ARHGAP35: variants seen among roughly 807,000 people sequenced by gnomAD.
ARHGAP35 encodes the protein Rho GTPase activating protein 35.
A neutral mutation model predicts 111.1 loss-of-function variants in ARHGAP35; 15 were observed. That is an observed-to-expected ratio of 0.13 (90% confidence interval 0.09 to 0.21). The LOEUF (loss-of-function observed/expected upper bound fraction) is 0.21, where lower values mean the gene tolerates loss of function less well. ARHGAP35 is among the 10% of genes least tolerant of loss of function. The probability of loss-of-function intolerance (pLI) is 1.00; values close to 1 mark genes in which losing one functional copy is unlikely to be tolerated. For synonymous variants in ARHGAP35, 643 were observed against 710.3 expected, an observed-to-expected ratio of 0.91 and a Z score of 1.51; for missense variants, 1,262 against 1,873.0, an observed-to-expected ratio of 0.67 and a Z score of 6.02.
chr19:46,937,897 GAA>G (rs1271420410), intron 3 of ARHGAP35, among the ~76,000 whole-genome samples: 1 of 152,212 alleles, frequency 6.6e-6, no homozygotes, highest in Admixed American at 6.5e-5. Context: ...TCTGAGGTAA[GAA>G]AATGATTAGG....
At chr19:46,932,383 G>A (rs1042283173) in intron 2 of ARHGAP35, among the ~76,000 whole-genome samples, 1 of 152,216 alleles carries the variant, frequency 6.6e-6, no homozygotes, top group Admixed American at 6.5e-5. Context: ...CCTGCTAATA[G>A]GTAAGTGCCT....
At chr19:46,971,776 G>A (rs2056551241) in intron 3 of ARHGAP35, among the ~76,000 whole-genome samples, 4 of 152,010 alleles carry the variant, frequency 2.6e-5, no homozygotes, top group Admixed American at 2.6e-4. Flanking sequence ...GGGATTACAG[G>A]TGTGAGCCAC....
intron 2 of ARHGAP35, among the ~76,000 whole-genome samples, chr19:46,931,820 G>A (rs572537982): frequency 9.8e-5 from 15 of 152,292 alleles, no homozygotes; most frequent in Admixed American, 3.3e-4. Flanking sequence ...ACTAAGTGCT[G>A]GCTGTGAATC....
At chr19:46,870,845 T>TA (rs201735202) in intron 1 of ARHGAP35, among the ~76,000 whole-genome samples, 396 of 151,250 alleles carry the variant, frequency 2.6e-3, no homozygotes, top group Middle Eastern at 0.021. Context: ...AGTTTTTTCT[T>TA]AAAAAAAAAT....
At chr19:46,934,598 C>A (rs1027504321) in intron 2 of ARHGAP35, among the ~76,000 whole-genome samples, 1 of 152,226 alleles carries the variant, frequency 6.6e-6, no homozygotes, top group East Asian at 1.9e-4. Flanking sequence ...AACTCCTGAT[C>A]TCAGGTGATC....
chr19:46,897,919 G>A (rs1024517942), intron 1 of ARHGAP35, among the ~76,000 whole-genome samples: 7 of 152,086 alleles, frequency 4.6e-5, no homozygotes, highest in Non-Finnish European at 8.8e-5. Flanking sequence ...GAATTAGAGT[G>A]ACCATTTACA....
rs2055844216 is a variant in ARHGAP35 at position 46,864,277 on chromosome 19, GGGGTAGA to G, written c.-189+3071_-189+3077del. On this transcript the variant is annotated intron_variant, in intron 1 of 6. Transcript: ENST00000672722. ...TGTGGGGGGGTATTTAGTTCATTCA[GGGGTAGA>G]GGTGGTTTTTACAGAAAATCTGTCC... Among the ~76,000 whole-genome samples, 7 of 152,348 alleles carry G rather than the reference GGGGTAGA, an allele frequency of 4.6e-5. No individual in the cohort carries two copies. In the South Asian group the frequency reaches 1.5e-3, roughly 32 times the overall value.
chr19:46,985,975 A>C (rs1206998622), intron 3 of ARHGAP35, among the ~76,000 whole-genome samples: 1 of 152,028 alleles, frequency 6.6e-6, no homozygotes, highest in Non-Finnish European at 1.5e-5. Flanking sequence ...ATAACAACCA[A>C]CACGTGGCTC....
At chr19:46,911,342 G>A (rs1176565715) in intron 1 of ARHGAP35, among the ~76,000 whole-genome samples, 1 of 152,048 alleles carries the variant, frequency 6.6e-6, no homozygotes, top group Non-Finnish European at 1.5e-5. Context: ...TTTTTTAAGT[G>A]TAAATATTGT....
intron 3 of ARHGAP35, among the ~76,000 whole-genome samples, chr19:46,969,296 A>G (rs568199923): frequency 2.0e-5 from 3 of 152,340 alleles, no homozygotes; most frequent in South Asian, 4.1e-4. Context: ...TTATATCTCA[A>G]TAAAACGGTT....
intron 1 of ARHGAP35, among the ~76,000 whole-genome samples, chr19:46,882,015 C>T (rs927874291): frequency 2.0e-5 from 3 of 152,162 alleles, no homozygotes; most frequent in Admixed American, 2.0e-4. Context: ...GTAGCTTCCT[C>T]GCCTCTCTCA....
chr19:46,938,680 A>T (rs1599834022), intron 3 of ARHGAP35, among the ~76,000 whole-genome samples: 3 of 129,614 alleles, frequency 2.3e-5, no homozygotes, highest in African/African-American at 6.0e-5. Context: ...TTTTTTTGAG[A>T]TGGAGTCTCT....
intron 3 of ARHGAP35, among the ~76,000 whole-genome samples, chr19:46,941,578 A>G (rs986596968): frequency 1.3e-5 from 2 of 149,100 alleles, no homozygotes; most frequent in Non-Finnish European, 3.0e-5. Flanking sequence ...CTTAAAAAAC[A>G]AAAGAGAGAG....
At chr19:46,956,928 AATT>A (rs373761104) in intron 3 of ARHGAP35, among the ~76,000 whole-genome samples, 1 of 150,632 alleles carries the variant, frequency 6.6e-6, no homozygotes, top group African/African-American at 2.4e-5. Context: ...ACTAATTACA[AATT>A]ATCATTAGCT....
chr19:46,978,910 G>GGT (rs1344103998), intron 3 of ARHGAP35, among the ~76,000 whole-genome samples: 2 of 129,342 alleles, frequency 1.5e-5, no homozygotes, highest in African/African-American at 2.9e-5. Context: ...TGTGTGGTGG[G>GGT]GTGTGTGTGT....
chr19:46,929,569 G>A (rs566142664), intron 2 of ARHGAP35, among the ~76,000 whole-genome samples: 89 of 140,870 alleles, frequency 6.3e-4, no homozygotes, highest in Non-Finnish European at 1.1e-3. Flanking sequence ...ACTACATTCC[G>A]TATATGGTGT....
rs957361254 is a variant in ARHGAP35, at chr19:46,999,886, G to A, written c.4143-445G>A. ...GTGCTGCAGGAGACAGCCAGCCTCCGGCATGGAGCACAGCCGCAGGCGGGA... is the reference window on the plus strand; with the variant it reads ...GTGCTGCAGGAGACAGCCAGCCTCCAGCATGGAGCACAGCCGCAGGCGGGA... On this transcript the variant is annotated intron_variant, in intron 6 of 6. Transcript: ENST00000672722. This position sits in a 1 kb window ranked among gnomAD's most constrained non-coding sequence, Gnocchi z 5.4. The A allele has an allele frequency of 1.1e-4, 24 of 215,316 alleles. No individual in the cohort carries two copies. The highest frequency in any genetic ancestry group is 4.5e-4 in the East Asian group (4 of 8,920). 13.3% of individuals were successfully genotyped at this position (215,316 alleles called of 1,614,324 possible).
At chr19:46,954,864 C>A (rs937743529) in intron 3 of ARHGAP35, among the ~76,000 whole-genome samples, 1 of 152,246 alleles carries the variant, frequency 6.6e-6, no homozygotes, top group Non-Finnish European at 1.5e-5. Flanking sequence ...TTAAAAGCCA[C>A]AACAGAAAAC....
At chr19:46,891,068 T>C (rs2056021266) in intron 1 of ARHGAP35, among the ~76,000 whole-genome samples, 1 of 152,062 alleles carries the variant, frequency 6.6e-6, no homozygotes, top group South Asian at 2.1e-4. Context: ...AATACCAGAG[T>C]TCCAAACCCA....
Sources: allele counts gnomAD v4.1 joint callset (sites outside exome capture counted in the v4.1 genomes callset), GRCh38; gene constraint gnomAD v4.1.1; non-coding constraint Gnocchi (gnomAD v3.1); transcripts MANE v1.5; gene names NCBI Gene and HGNC (gene_info 2026-07-23, HGNC 2026-07-21).